Variants in SV2C observed in about 807,000 individuals in gnomAD.
SV2C encodes the protein synaptic vesicle glycoprotein 2C.
A neutral mutation model predicts 79.7 loss-of-function variants in SV2C; 49 were observed. The observed-to-expected ratio is 0.61, with a 90% CI of 0.49 to 0.78. The LOEUF is 0.78. Ranked by LOEUF, SV2C falls within the 30% of genes least tolerant of loss-of-function variation. The pLI, the probability that SV2C is intolerant of heterozygous loss-of-function variation, is 0.00. For synonymous variants in SV2C, 334 were observed against 333.2 expected (o/e 1.00, Z -0.03); for missense variants, 833 against 912.9 (o/e 0.91, Z 1.13).
intron 4 of SV2C, among the ~76,000 whole-genome samples, chr5:76,218,546 G>A (rs1029732745): frequency 3.9e-5 from 6 of 152,132 alleles, no homozygotes; most frequent in Admixed American, 1.3e-4. Flanking sequence ...ATAAGTGGGA[G>A]TTGAACAATG....
At chr5:76,198,522 CCT>C (rs993975567) in intron 3 of SV2C, among the ~76,000 whole-genome samples, 2 of 152,118 alleles carry the variant, frequency 1.3e-5, no homozygotes, top group African/African-American at 4.8e-5. Flanking sequence ...CAAATAAACC[CCT>C]TTTCTTTATA....
At chr5:76,207,418 G>GA (rs1452709047) in intron 3 of SV2C, among the ~76,000 whole-genome samples, 5 of 152,002 alleles carry the variant, frequency 3.3e-5, no homozygotes, top group Non-Finnish European at 7.4e-5. Flanking sequence ...CACATCAAAT[G>GA]AAGAAAAGGA....
At chr5:76,078,709 C>T (rs1746926715), upstream of SV2C, 1 of 522,360 alleles carries the variant, frequency 1.9e-6, no homozygotes. Context: ...ATGCTCGGTG[C>T]CAAAGCTGAT....
chr5:76,336,446 C>T (rs989250983), downstream of SV2C, among the ~76,000 whole-genome samples: 3 of 145,750 alleles, frequency 2.1e-5, no homozygotes, highest in Non-Finnish European at 4.5e-5. Context: ...ACGTCCCAGA[C>T]GATGGGCGGC....
the SV2C span, among the ~76,000 whole-genome samples, chr5:75,856,500 T>C: frequency 1.3e-4 from 20 of 152,362 alleles, no homozygotes; most frequent in African/African-American, 4.3e-4. Context: ...TGGGGTGAGA[T>C]AACATCTCAT....
chr5:75,973,341 A>T, the SV2C span, among the ~76,000 whole-genome samples: 1 of 151,762 alleles, frequency 6.6e-6, no homozygotes, highest in African/African-American at 2.4e-5. Flanking sequence ...TAAAATAAAA[A>T]AAAATTAGCC....
chr5:75,978,330 A>G, the SV2C span, among the ~76,000 whole-genome samples: 1 of 152,098 alleles, frequency 6.6e-6, no homozygotes, highest in East Asian at 1.9e-4. Context: ...TTATTCTCCA[A>G]ATATTGAAAT....
chr5:76,169,591 C>A (rs1443656367), intron 2 of SV2C, among the ~76,000 whole-genome samples: 2 of 152,182 alleles, frequency 1.3e-5, no homozygotes, highest in Admixed American at 6.5e-5. Flanking sequence ...CTGCATCAAA[C>A]CTTCCCCAAT....
the SV2C span, among the ~76,000 whole-genome samples, chr5:75,906,318 C>T: frequency 6.6e-6 from 1 of 152,164 alleles, no homozygotes; most frequent in Non-Finnish European, 1.5e-5. Context: ...AGGAAATTTT[C>T]TTACCTCCTT....
At chr5:75,983,017 T>C in the SV2C span, among the ~76,000 whole-genome samples, 3 of 152,126 alleles carry the variant, frequency 2.0e-5, no homozygotes, top group Non-Finnish European at 4.4e-5. Context: ...AACCAATGGG[T>C]ACTAGGCTTA....
chr5:75,972,771 A>T, the SV2C span, among the ~76,000 whole-genome samples: 1 of 152,096 alleles, frequency 6.6e-6, no homozygotes, highest in South Asian at 2.1e-4. Flanking sequence ...CCGTGTGGCA[A>T]TTCCTCAGGG....
At chr5:75,920,702 G>C in the SV2C span, 1 of 748,112 alleles carries the variant, frequency 1.3e-6, no homozygotes, top group African/African-American at 1.7e-5. Context: ...TGAGGGCACT[G>C]CCGGTGTGGA....
chr5:76,277,833 A>G (rs1747069176), intron 4 of SV2C, among the ~76,000 whole-genome samples: 1 of 152,046 alleles, frequency 6.6e-6, no homozygotes, highest in Non-Finnish European at 1.5e-5. Flanking sequence ...AGACAAAACT[A>G]TAGGGACAGA....
the SV2C span, among the ~76,000 whole-genome samples, chr5:75,863,051 C>G: frequency 6.6e-6 from 1 of 152,096 alleles, no homozygotes; most frequent in Non-Finnish European, 1.5e-5. Context: ...GGACCAACAC[C>G]TTTCTCAAAT....
chr5:76,052,213 A>G, the SV2C span, among the ~76,000 whole-genome samples: 4 of 152,158 alleles, frequency 2.6e-5, no homozygotes, highest in Non-Finnish European at 2.9e-5. Flanking sequence ...TTTAAATTTC[A>G]TTTTTCTAAA....
the SV2C span, among the ~76,000 whole-genome samples, chr5:75,970,036 T>A: frequency 2.0e-5 from 3 of 151,906 alleles, no homozygotes; most frequent in East Asian, 1.9e-4. Context: ...AAACCGCTCA[T>A]CTACATGGAA....
chr5:76,302,229 G>T (rs1414645411), intron 12 of SV2C, among the ~76,000 whole-genome samples: 2 of 152,178 alleles, frequency 1.3e-5, no homozygotes, highest in Non-Finnish European at 2.9e-5. Context: ...TTGCAGATGT[G>T]TCTGCATGAG....
At chr5:76,043,518 T>G in the SV2C span, among the ~76,000 whole-genome samples, 1 of 152,206 alleles carries the variant, frequency 6.6e-6, no homozygotes, top group Non-Finnish European at 1.5e-5. Context: ...TTTCTACCTC[T>G]TTTGGTAAAA....
the SV2C span, among the ~76,000 whole-genome samples, chr5:75,868,420 A>G: frequency 6.6e-6 from 1 of 152,216 alleles, no homozygotes; most frequent in Non-Finnish European, 1.5e-5. Context: ...CACTCGGGCT[A>G]CTATGTGTGG....
Sources: allele counts gnomAD v4.1 joint callset (sites outside exome capture counted in the v4.1 genomes callset), GRCh38; gene constraint gnomAD v4.1.1; transcripts MANE v1.5; gene names NCBI Gene and HGNC (gene_info 2026-07-23, HGNC 2026-07-21).